Variants in STAU2 observed in about 807,000 individuals in gnomAD.
STAU2 encodes staufen double-stranded RNA binding protein 2.
A neutral mutation model predicts 65.9 loss-of-function variants in STAU2; 20 were observed. The ratio of observed to expected loss-of-function variants is 0.30; its 90% CI spans 0.21 to 0.44. The LOEUF (loss-of-function observed/expected upper bound fraction) is 0.44, where lower values mean the gene tolerates loss of function less well. Among genes scored for constraint, STAU2 ranks in the 20% least tolerant of loss-of-function variants. The pLI is 1.00. For missense variants in STAU2, 558 were observed against 683.9 expected, an observed-to-expected ratio of 0.82 and a Z score of 2.05; for synonymous variants, 232 against 233.9, an observed-to-expected ratio of 0.99 and a Z score of 0.07.
intron 12 of STAU2, chr8:73,561,544 G>A (rs575058137): frequency 1.6e-4 from 74 of 454,748 alleles, no homozygotes; most frequent in Admixed American, 4.0e-4. Flanking sequence ...ATTTCCCTAC[G>A]ACAGAAAAAC....
chr8:73,453,227 CAAAA>C (rs527509507), intron 13 of STAU2, among the ~76,000 whole-genome samples: 1 of 151,946 alleles, frequency 6.6e-6, no homozygotes, highest in Non-Finnish European at 1.5e-5. Context: ...AAGAAACAAA[CAAAA>C]GAAACACCTG....
At position 73,669,670 on chromosome 8, in the gene STAU2, T is replaced by A. The variant is rs1279875952; in HGVS notation, c.410+3437A>T. 4.2e-5 allele frequency among the ~76,000 whole-genome samples: 6 copies of A among 142,034 alleles called. No homozygotes were observed. In the East Asian group the frequency reaches 1.3e-3, roughly 30 times the overall value. 93.2% of individuals were successfully genotyped at this position (142,034 alleles called of 152,430 possible). A position where few individuals can be genotyped will look rare whatever the true frequency, so the allele number is the denominator to read the frequency against. ...CTCTCTCTCTCTCTCTCTCTCTCTC[T>A]CAACATTCACACTGCTTTTTCTCTC... On this transcript the variant is annotated intron_variant, in intron 6 of 14. Transcript: ENST00000524300.
chr8:73,634,496 C>T (rs1475714963), intron 6 of STAU2, among the ~76,000 whole-genome samples: 1 of 152,106 alleles, frequency 6.6e-6, no homozygotes, highest in Non-Finnish European at 1.5e-5. Flanking sequence ...CCACTGCACT[C>T]CAGCCTGGCA....
At chr8:73,535,107 G>T (rs1585953218) in intron 13 of STAU2, among the ~76,000 whole-genome samples, 1 of 152,124 alleles carries the variant, frequency 6.6e-6, no homozygotes, top group South Asian at 2.1e-4. Context: ...CGTTGTTTAG[G>T]GGGATAATAA....
In STAU2 at chr8:73,737,461, G is replaced by A. The variant is rs555589214; in HGVS notation, c.-18+823C>T. On this transcript the variant is annotated intron_variant, in intron 3 of 14. Transcript: ENST00000524300. ...GCTGGGATTACAGGTGTGAGCCACCGTGCCCAGTCGATTACTTTCTTAATC... is the reference window on the plus strand; with the variant it reads ...GCTGGGATTACAGGTGTGAGCCACCATGCCCAGTCGATTACTTTCTTAATC... Among the ~76,000 whole-genome samples the A allele has an allele frequency of 1.5e-3, 228 of 152,060 alleles. 1 individual carries two copies. The highest frequency in any genetic ancestry group is 6.8e-3 in the Middle Eastern group (2 of 292).
At chr8:73,542,846 T>C (rs886621738) in intron 13 of STAU2, among the ~76,000 whole-genome samples, 2 of 152,174 alleles carry the variant, frequency 1.3e-5, no homozygotes, top group Non-Finnish European at 2.9e-5. Flanking sequence ...ATGTAATGTA[T>C]GTAATACATT....
intron 3 of STAU2, among the ~76,000 whole-genome samples, chr8:73,737,231 C>A (rs1292946688): frequency 4.0e-5 from 6 of 150,346 alleles, no homozygotes; most frequent in African/African-American, 9.8e-5. Flanking sequence ...AGTGCAATGG[C>A]ACGATCTTGG....
At chr8:73,520,389 G>A (rs1822977839) in intron 13 of STAU2, among the ~76,000 whole-genome samples, 1 of 152,044 alleles carries the variant, frequency 6.6e-6, no homozygotes, top group Non-Finnish European at 1.5e-5. Flanking sequence ...TAGATATATT[G>A]GGTTAAATAA....
chr8:73,478,366 A>T (rs972343582), intron 13 of STAU2, among the ~76,000 whole-genome samples: 2 of 150,518 alleles, frequency 1.3e-5, no homozygotes, highest in Non-Finnish European at 3.0e-5. Context: ...AAGAAAGTTG[A>T]TGAGTTTGTT....
At chr8:73,490,590 A>C (rs899849763) in intron 13 of STAU2, among the ~76,000 whole-genome samples, 2 of 152,070 alleles carry the variant, frequency 1.3e-5, no homozygotes, top group Non-Finnish European at 2.9e-5. Flanking sequence ...CACGGCCTTT[A>C]CTTAAAAGGA....
chr8:73,499,290 G>C (rs889921616), intron 13 of STAU2, among the ~76,000 whole-genome samples: 1 of 151,802 alleles, frequency 6.6e-6, no homozygotes, highest in Non-Finnish European at 1.5e-5. Flanking sequence ...ACTGACACAG[G>C]GTGTCATGGC....
chr8:73,664,865 G>A (rs1170522885), intron 6 of STAU2, among the ~76,000 whole-genome samples: 2 of 152,004 alleles, frequency 1.3e-5, no homozygotes, highest in African/African-American at 2.4e-5. Context: ...GGTGGCATGC[G>A]CCTGTAGTCC....
chr8:73,548,092 G>A (rs1487929745), intron 13 of STAU2, among the ~76,000 whole-genome samples: 1 of 151,896 alleles, frequency 6.6e-6, no homozygotes, highest in African/African-American at 2.4e-5. Context: ...GGTATCTTTG[G>A]GGGTCCTAGA....
At chr8:73,746,889 C>T, upstream of STAU2, 1 of 1,024,098 alleles carries the variant, frequency 9.8e-7, no homozygotes, top group Middle Eastern at 4.1e-4. Flanking sequence ...TCCCCGCCCC[C>T]CGCCTCCGCC....
intron 13 of STAU2, among the ~76,000 whole-genome samples, chr8:73,526,577 C>T (rs1805473119): frequency 6.6e-6 from 1 of 152,108 alleles, no homozygotes; most frequent in Non-Finnish European, 1.5e-5. Flanking sequence ...CTCAAATTTA[C>T]TGAAAAACGG....
intron 13 of STAU2, chr8:73,551,618 A>G (rs1490137220): frequency 1.0e-5 from 10 of 991,748 alleles, no homozygotes; most frequent in African/African-American, 1.7e-5. Flanking sequence ...AAGAAACTCA[A>G]TCCTTATGTA....
At chr8:73,570,481 A>G (rs1808977933) in intron 12 of STAU2, among the ~76,000 whole-genome samples, 2 of 152,188 alleles carry the variant, frequency 1.3e-5, no homozygotes, top group South Asian at 4.1e-4. Context: ...TGACTGGTGT[A>G]CCTGAAAGTG....
At chr8:73,443,378 C>T (rs1818300474) in intron 13 of STAU2, among the ~76,000 whole-genome samples, 1 of 152,068 alleles carries the variant, frequency 6.6e-6, no homozygotes, top group African/African-American at 2.4e-5. Flanking sequence ...GTATTATTAG[C>T]CAAATAAGGG....
In STAU2 at chr8:73,442,332, C is replaced by T. The variant is rs143479138; in HGVS notation, c.1531-19630G>A. 3.9e-3 allele frequency among the ~76,000 whole-genome samples: 509 copies of T among 129,126 alleles called. 4 individuals are homozygous for T. The highest frequency in any genetic ancestry group is 0.015 in the African/African-American group (484 of 33,334). 84.7% of individuals were successfully genotyped at this position (129,126 alleles called of 152,430 possible). A position where few individuals can be genotyped will look rare whatever the true frequency, so the allele number is the denominator to read the frequency against. On this transcript the variant is annotated intron_variant, in intron 13 of 14. Coordinates refer to ENST00000524300, the MANE Select transcript of STAU2 (RefSeq NM_001164380.2). ...TTGCACCACTGCGCTCCAGCCTGGG[C>T]GACAGAGCGAGACTCCGTCTCAAAA...
Sources: gnomAD v4.1 joint callset for allele counts (sites outside exome capture counted in the v4.1 genomes callset) on GRCh38, gnomAD v4.1.1 for gene constraint, MANE v1.5 for transcripts, NCBI Gene and HGNC (gene_info 2026-07-23, HGNC 2026-07-21) for gene names.